BCL7A: variants seen among roughly 807,000 people sequenced by gnomAD.
The protein encoded by BCL7A is BAF chromatin remodeling complex subunit BCL7A, also known as B-cell CLL/lymphoma 7 protein family member A.
Under a neutral mutation model 28.4 loss-of-function variants are expected in BCL7A, and 11 were observed. The observed-to-expected ratio is 0.39, with a 90% CI of 0.24 to 0.64. The LOEUF is 0.64. Ranked by LOEUF, BCL7A falls within the 30% of genes least tolerant of loss-of-function variation. The probability of loss-of-function intolerance (pLI) is 0.50; values close to 1 mark genes in which losing one functional copy is unlikely to be tolerated. For synonymous variants in BCL7A, 123 were observed against 103.3 expected (o/e 1.19, Z -1.15); for missense variants, 222 against 274.8 (o/e 0.81, Z 1.36).
At chr12:122,048,006 C>T (rs1481224878) in intron 4 of BCL7A, among the ~76,000 whole-genome samples, 2 of 149,536 alleles carry the variant, frequency 1.3e-5, no homozygotes, top group African/African-American at 2.5e-5. Flanking sequence ...CGCGTTCAAG[C>T]GATTCTCCTG....
At chr12:122,054,030 C>G (rs778550858) in intron 4 of BCL7A, among the ~76,000 whole-genome samples, 8 of 152,124 alleles carry the variant, frequency 5.3e-5, no homozygotes, top group Non-Finnish European at 1.2e-4. Context: ...TTTTTCTGTA[C>G]TTTTCTGTTT....
intron 5 of BCL7A, 86 bp downstream of exon 5, chr12:122,055,012 A>T: frequency 6.2e-7 from 1 of 1,609,882 alleles, no homozygotes; most frequent in Middle Eastern, 1.7e-4. Flanking sequence ...GTGTTTCGTC[A>T]TTGTGTTTTG....
chr12:122,061,511 C>T lies in BCL7A; in HGVS notation c.*2348C>T, dbSNP rs1951922265. On this transcript the variant is annotated 3_prime_UTR_variant, in exon 6 of 6. Transcript: ENST00000261822. ...GCAGAATGACAAGACTGCAAAAATC[C>T]GATGTGCTTCCTTCCCTGGCGCAGT... 3 of 232,486 alleles carry T rather than the reference C, an allele frequency of 1.3e-5. No homozygotes were observed. The allele number at this position is 232,486 out of a possible 1,614,324, so 14.4% of individuals were successfully genotyped here. A position where few individuals can be genotyped will look rare whatever the true frequency, so the allele number is the denominator to read the frequency against.
At chr12:122,055,327 C>T (rs1203774997) in intron 5 of BCL7A, among the ~76,000 whole-genome samples, 3 of 152,186 alleles carry the variant, frequency 2.0e-5, no homozygotes, top group Non-Finnish European at 2.9e-5. Flanking sequence ...CGGAGCGGTG[C>T]TGCTGGCCCC....
At chr12:122,040,978 A>G (rs1374826392) in intron 3 of BCL7A, among the ~76,000 whole-genome samples, 1 of 152,082 alleles carries the variant, frequency 6.6e-6, no homozygotes, top group Admixed American at 6.5e-5. Context: ...ATAGGAAGGA[A>G]GTCTAGTTTT....
At chr12:122,047,781 C>G (rs968372882) in intron 4 of BCL7A, among the ~76,000 whole-genome samples, 3 of 151,926 alleles carry the variant, frequency 2.0e-5, no homozygotes, top group Admixed American at 1.3e-4. Flanking sequence ...CCACTTTGGC[C>G]TCCCAAAGTG....
Position 122,061,284 on chromosome 12 carries a change from A to C in BCL7A, c.*2121A>C, listed in dbSNP as rs753256485. 5.2e-4 allele frequency: 121 copies of C among 231,402 alleles called. No individual in the cohort carries two copies. The highest frequency in any genetic ancestry group is 6.9e-4 in the Non-Finnish European group (81 of 116,864). The allele number at this position is 231,402 out of a possible 1,614,324, so 14.3% of individuals were successfully genotyped here. On this transcript the variant is annotated 3_prime_UTR_variant, in exon 6 of 6. Transcript: ENST00000261822. ...CGTAGGTGGCCCTGCCGTTGACCGC[A>C]GCCTCTCTGGACAGGCAAGGGGAGT...
intron 4 of BCL7A, among the ~76,000 whole-genome samples, chr12:122,049,615 G>A (rs141688984): frequency 1.6e-4 from 25 of 152,316 alleles, no homozygotes; most frequent in African/African-American, 5.8e-4. Flanking sequence ...CCAGGAGGCA[G>A]AGATTGCAGG....
chr12:122,055,556 G>C (rs1037228037), intron 5 of BCL7A, among the ~76,000 whole-genome samples: 1 of 152,178 alleles, frequency 6.6e-6, no homozygotes, highest in Non-Finnish European at 1.5e-5. Context: ...AGCATGGAGC[G>C]GACACAAGAT....
At chr12:122,051,866 CTT>C (rs34244407) in intron 4 of BCL7A, among the ~76,000 whole-genome samples, 28 of 80,320 alleles carry the variant, frequency 3.5e-4, no homozygotes, top group East Asian at 2.2e-3. Context: ...CTCTCTCTCT[CTT>C]TTTTTTTTTT....
chr12:122,025,514 C>T (rs1160114597), intron 1 of BCL7A, among the ~76,000 whole-genome samples: 3 of 151,586 alleles, frequency 2.0e-5, no homozygotes, highest in Admixed American at 6.6e-5. Flanking sequence ...GTAGTCCCAG[C>T]TACTTGGGAG....
intron 4 of BCL7A, among the ~76,000 whole-genome samples, chr12:122,046,634 G>A (rs1880030): frequency 0.4 from 60,383 of 152,106 alleles, 12,308 homozygotes; most frequent in Middle Eastern, 0.5. Flanking sequence ...TGGCTATACA[G>A]AACCCTGCAG....
At position 122,059,413 on chromosome 12, in the gene BCL7A, G is replaced by T; in HGVS notation, c.*250G>T. 1 of 446,884 alleles carries T rather than the reference G, an allele frequency of 2.2e-6. No individual in the cohort carries two copies. Among genetic ancestry groups the T allele is most frequent in the Non-Finnish European group, 4.1e-6 (1 of 244,274 alleles). 27.7% of individuals were successfully genotyped at this position (446,884 alleles called of 1,614,324 possible). A position where few individuals can be genotyped will look rare whatever the true frequency, so the allele number is the denominator to read the frequency against. On this transcript the variant is annotated 3_prime_UTR_variant, in exon 6 of 6. Transcript: ENST00000261822. The surrounding 1 kb of genome is among the most constrained non-coding windows in gnomAD (Gnocchi z 4.0). ...GAGGCAGGCGGGGCTGACAGCTCAG[G>T]AGTGTCTGCACACTGTCTCGGAAGC...
rs189324486 is a variant in BCL7A at position 122,029,185 on chromosome 12, C to T, written c.93-1515C>T. Reference sequence around the variant, plus strand: ...AAGTTGCCATTTCCTGCCGGATGAGCCGGCACAGTCCTTGGTACATAGAAG... The same window carrying T: ...AAGTTGCCATTTCCTGCCGGATGAGTCGGCACAGTCCTTGGTACATAGAAG... On this transcript the variant is annotated intron_variant, in intron 1 of 5. Coordinates refer to ENST00000261822, the MANE Select transcript of BCL7A (RefSeq NM_001024808.3). This position sits in a 1 kb window ranked among gnomAD's most constrained non-coding sequence, Gnocchi z 4.3. 2.6e-5 allele frequency among the ~76,000 whole-genome samples: 4 copies of T among 152,300 alleles called. No homozygotes were observed. The highest frequency in any genetic ancestry group is 7.2e-5 in the African/African-American group (3 of 41,558).
At chr12:122,031,239 G>A (rs1207710968) in intron 2 of BCL7A, among the ~76,000 whole-genome samples, 1 of 152,146 alleles carries the variant, frequency 6.6e-6, no homozygotes, top group East Asian at 1.9e-4. Flanking sequence ...GTGTTGGCCA[G>A]GCTCGTCTTG....
chr12:122,047,235 G>A (rs1397973095), intron 4 of BCL7A, among the ~76,000 whole-genome samples: 1 of 151,482 alleles, frequency 6.6e-6, no homozygotes, highest in Non-Finnish European at 1.5e-5. Flanking sequence ...GTTTGAAATG[G>A]GGTCTTGGCC....
At chr12:122,022,860 G>A (rs1488708603) in intron 1 of BCL7A, among the ~76,000 whole-genome samples, 1 of 151,896 alleles carries the variant, frequency 6.6e-6, no homozygotes, top group African/African-American at 2.4e-5. Context: ...GCGGCCAGGG[G>A]CGCGGGGCGC....
intron 1 of BCL7A, among the ~76,000 whole-genome samples, chr12:122,022,610 C>T (rs1593019379): frequency 1.4e-5 from 2 of 145,676 alleles, no homozygotes; most frequent in South Asian, 2.1e-4. Flanking sequence ...AGAGCGCGAG[C>T]TCCATTGTGC....
chr12:122,023,111 A>G (rs1883510830), intron 1 of BCL7A, among the ~76,000 whole-genome samples: 1 of 152,200 alleles, frequency 6.6e-6, no homozygotes, highest in Admixed American at 6.5e-5. Flanking sequence ...GTCGACATTA[A>G]GGGGATCGAA....
Sources: allele counts gnomAD v4.1 joint callset (sites outside exome capture counted in the v4.1 genomes callset), GRCh38; gene constraint gnomAD v4.1.1; non-coding constraint Gnocchi (gnomAD v3.1); transcripts MANE v1.5; gene names NCBI Gene and HGNC (gene_info 2026-07-23, HGNC 2026-07-21).